Variants in PLCB4 observed in about 807,000 individuals in gnomAD.
PLCB4 encodes phospholipase C beta 4.
In PLCB4, 77 loss-of-function variants were observed where a neutral mutation model predicts 178.8. That is an observed-to-expected ratio of 0.43 (90% CI 0.36 to 0.52). PLCB4 has a LOEUF of 0.52. PLCB4 is among the 20% of genes least tolerant of loss of function. The probability of loss-of-function intolerance (pLI) is 0.00; values close to 1 mark genes in which losing one functional copy is unlikely to be tolerated. For missense variants in PLCB4, 1,024 were observed against 1,453.4 expected (o/e 0.70, Z 4.80); for synonymous variants, 496 against 490.8 (o/e 1.01, Z -0.14).
intron 28 of PLCB4, among the ~76,000 whole-genome samples, chr20:9,426,515 C>A (rs745338492): frequency 6.6e-6 from 1 of 152,042 alleles, no homozygotes; most frequent in Non-Finnish European, 1.5e-5. Flanking sequence ...ATAGCTAGAA[C>A]TACAGGCGTG....
At chr20:9,181,705 A>G (rs945110439) in intron 2 of PLCB4, among the ~76,000 whole-genome samples, 1 of 151,824 alleles carries the variant, frequency 6.6e-6, no homozygotes, top group African/African-American at 2.4e-5. Context: ...ACCTAATCCA[A>G]CTCTAATTAC....
intron 1 of PLCB4, among the ~76,000 whole-genome samples, chr20:9,078,188 C>T (rs2089966668): frequency 6.6e-6 from 1 of 152,020 alleles, no homozygotes; most frequent in East Asian, 1.9e-4. Flanking sequence ...GCTATGTTGT[C>T]CAGGCTGGTG....
intron 2 of PLCB4, among the ~76,000 whole-genome samples, chr20:9,157,220 G>GA (rs71184130): frequency 0.017 from 2,353 of 138,156 alleles, 29 homozygotes; most frequent in African/African-American, 0.033. Context: ...AAAATCATAT[G>GA]AAAAAAAAAA....
intron 3 of PLCB4, among the ~76,000 whole-genome samples, chr20:9,301,780 C>T (rs2094707296): frequency 6.6e-6 from 1 of 152,112 alleles, no homozygotes; most frequent in South Asian, 2.1e-4. Flanking sequence ...TAGGACTCCC[C>T]TTCTTTCTTG....
At chr20:9,242,551 T>G (rs1190158661) in intron 3 of PLCB4, among the ~76,000 whole-genome samples, 1 of 152,170 alleles carries the variant, frequency 6.6e-6, no homozygotes, top group Non-Finnish European at 1.5e-5. Context: ...CTTCTTAAAT[T>G]TAGGCATTTT....
At chr20:9,458,047 G>T (rs1282313610) in intron 34 of PLCB4, among the ~76,000 whole-genome samples, 1 of 149,038 alleles carries the variant, frequency 6.7e-6, no homozygotes, top group Non-Finnish European at 1.5e-5. Flanking sequence ...TCCCAGTTAA[G>T]AATGAAAACA....
chr20:9,226,236 A>G (rs1056342109), intron 3 of PLCB4, among the ~76,000 whole-genome samples: 3 of 152,156 alleles, frequency 2.0e-5, no homozygotes, highest in African/African-American at 7.2e-5. Context: ...TGTGAAAAAT[A>G]AGCTGTAAGA....
chr20:9,197,580 C>A (rs2093487919), intron 2 of PLCB4, among the ~76,000 whole-genome samples: 2 of 152,192 alleles, frequency 1.3e-5, no homozygotes, highest in Admixed American at 1.3e-4. Context: ...ATATAGTTCA[C>A]ATTTTATTTT....
In PLCB4 at chr20:9,376,748, G is replaced by A. The variant is rs150013105; in HGVS notation, c.745-3306G>A. On this transcript the variant is annotated intron_variant, in intron 12 of 39. Transcript: ENST00000378473. ...TGACTTCTTACAAAGATGATAACTA[G>A]GGTCCTGCAGAATTGGGAGATGGGT... is the stretch of plus-strand genomic sequence containing the variant. 2.3e-3 allele frequency among the ~76,000 whole-genome samples: 343 copies of A among 152,206 alleles called. 2 individuals carry two copies. Among genetic ancestry groups the A allele is most frequent in the African/African-American group, 6.9e-3 (286 of 41,510 alleles).
chr20:9,442,924 C>A (rs1198302590), intron 30 of PLCB4, among the ~76,000 whole-genome samples: 5 of 152,202 alleles, frequency 3.3e-5, no homozygotes, highest in Non-Finnish European at 1.5e-5. Context: ...GGACTTGATG[C>A]CTATCTTTCT....
chr20:9,446,565 C>A (rs2070358430), intron 32 of PLCB4, among the ~76,000 whole-genome samples: 1 of 152,148 alleles, frequency 6.6e-6, no homozygotes, highest in Admixed American at 6.6e-5. Context: ...CTAATATACA[C>A]CGATGCCAGC....
intron 3 of PLCB4, among the ~76,000 whole-genome samples, chr20:9,293,358 TGAAGGAAG>T (rs768293862): frequency 3.3e-5 from 3 of 90,798 alleles, no homozygotes; most frequent in Non-Finnish European, 6.5e-5. Context: ...AAGAGAGGAA[TGAAGGAAG>T]GAAGGAAGGA....
intron 33 of PLCB4, among the ~76,000 whole-genome samples, chr20:9,456,061 C>T (rs2043038053): frequency 6.6e-6 from 1 of 152,146 alleles, no homozygotes; most frequent in African/African-American, 2.4e-5. Context: ...GTCTCGAACT[C>T]CTGACCTCAA....
intron 35 of PLCB4, among the ~76,000 whole-genome samples, chr20:9,466,504 G>A (rs1397814844): frequency 6.6e-6 from 1 of 152,154 alleles, no homozygotes; most frequent in Non-Finnish European, 1.5e-5. Context: ...GCAACTCACA[G>A]AATGGGAGAA....
intron 7 of PLCB4, among the ~76,000 whole-genome samples, chr20:9,350,306 T>C (rs1470959721): frequency 6.6e-6 from 1 of 152,188 alleles, no homozygotes; most frequent in Non-Finnish European, 1.5e-5. Flanking sequence ...ATAGTTTATA[T>C]TGTATGTCAG....
At chr20:9,453,600 A>G (rs1032640479) in intron 33 of PLCB4, 138 bp downstream of exon 33, 119 of 594,096 alleles carry the variant, frequency 2.0e-4, no homozygotes, top group Admixed American at 5.4e-4. Context: ...CCTGGGAAGT[A>G]AGAAACTCAT....
chr20:9,320,261 T>C (rs1046258400), intron 4 of PLCB4, among the ~76,000 whole-genome samples: 4 of 152,172 alleles, frequency 2.6e-5, no homozygotes, highest in African/African-American at 9.7e-5. Flanking sequence ...TTTTAGACTA[T>C]ATAGGGTAAC....
intron 2 of PLCB4, among the ~76,000 whole-genome samples, chr20:9,131,390 T>A (rs1341108191): frequency 6.6e-6 from 1 of 152,142 alleles, no homozygotes; most frequent in East Asian, 1.9e-4. Context: ...GCTCTGAATC[T>A]TACCTTGGGT....
At chr20:9,437,900 A>C (rs946405343) in intron 30 of PLCB4, among the ~76,000 whole-genome samples, 2 of 152,192 alleles carry the variant, frequency 1.3e-5, no homozygotes, top group East Asian at 3.8e-4. Context: ...CCAGAGAAAG[A>C]GGTCATTGCA....
Sources: allele counts gnomAD v4.1 joint callset (sites outside exome capture counted in the v4.1 genomes callset), GRCh38; gene constraint gnomAD v4.1.1; transcripts MANE v1.5; gene names NCBI Gene and HGNC (gene_info 2026-07-23, HGNC 2026-07-21).